The following CDCA5 variants were observed in gnomAD, a reference collection of about 807,000 sequenced individuals.
CDCA5 encodes the protein cell division cycle associated 5, also known as sororin.
Under a neutral mutation model 25.7 loss-of-function variants are expected in CDCA5, and 14 were observed. That is an observed-to-expected ratio of 0.54 (90% CI 0.36 to 0.85). CDCA5 has a LOEUF of 0.85. Among genes scored for constraint, CDCA5 ranks in the 40% least tolerant of loss-of-function variants. CDCA5 has a pLI of 0.01. For missense variants in CDCA5, 307 were observed against 324.5 expected (o/e 0.95, Z 0.41); for synonymous variants, 127 against 128.7 (o/e 0.99, Z 0.09).
Position 65,084,034 on chromosome 11 carries a change from C to A in CDCA5, c.-56G>T. 3.8e-6 allele frequency: 6 copies of A among 1,569,352 alleles called. No individual in the cohort carries two copies. The highest frequency in any genetic ancestry group is 5.2e-6 in the Non-Finnish European group (6 of 1,156,054). On this transcript the variant is annotated 5_prime_UTR_variant, in exon 1 of 6. Coordinates refer to ENST00000275517, the MANE Select transcript of CDCA5 (RefSeq NM_080668.4). The stretch of plus-strand genomic sequence containing the variant: ...GCCGCCGCCCCGGGCGCGCGCCAAC[C>A]GGGAAGGCCACTCGCTGCAAAAAAC...
At chr11:65,079,850 G>A in intron 4 of CDCA5, 63 bp from the exon 5 acceptor site, 1 of 1,286,328 alleles carries the variant, frequency 7.8e-7, no homozygotes, top group East Asian at 2.8e-5. Context: ...TTCCAGAAAA[G>A]CCCGAGAAGA....
chr11:65,068,261 C>T (rs1947278569), intron 2 of CDCA5: 10 of 498,270 alleles, frequency 2.0e-5, no homozygotes, highest in South Asian at 1.8e-4. Context: ...GTAGGGAAAG[C>T]CTGGTAGGAG....
In CDCA5 at chr11:65,083,917, C is replaced by A. The variant is rs1316828726; in HGVS notation, c.46+16G>T. 6.2e-7 allele frequency: 1 copy of A among 1,609,434 alleles called. No homozygotes were observed. Among genetic ancestry groups the A allele is most frequent in the Non-Finnish European group, 8.5e-7 (1 of 1,179,838 alleles). The stretch of plus-strand genomic sequence containing the variant: ...AAACGGCTCGACCTCACGTCTCCCG[C>A]GCGCCCTCCGCTCACCGGAGCGCTG... On this transcript the variant is annotated intron_variant, in intron 1 of 5. Coordinates refer to ENST00000275517, the MANE Select transcript of CDCA5 (RefSeq NM_080668.4).
downstream of CDCA5, among the ~76,000 whole-genome samples, chr11:65,072,938 CTTTT>C (rs751923442): frequency 1.0e-5 from 1 of 99,956 alleles, no homozygotes; most frequent in East Asian, 2.8e-4. Context: ...TTATTTCATT[CTTTT>C]TTTTTTTTTT....
intron 1 of CDCA5, chr11:65,068,638 A>G: frequency 8.3e-7 from 1 of 1,206,416 alleles, no homozygotes; most frequent in Non-Finnish European, 1.1e-6. Context: ...ACTCACATCT[A>G]CCATCCCCGC....
At chr11:65,068,001 T>C in intron 3 of CDCA5, 1 of 1,275,344 alleles carries the variant, frequency 7.8e-7, no homozygotes, top group Admixed American at 2.3e-5. Context: ...ACTCTCTCTC[T>C]CTCTCTCTCT....
chr11:65,061,587 A>G (rs555894029), downstream of CDCA5, among the ~76,000 whole-genome samples: 2 of 152,160 alleles, frequency 1.3e-5, no homozygotes, highest in East Asian at 3.9e-4. Flanking sequence ...ATCCTGGCTA[A>G]CATGGTGAAA....
chr11:65,063,195 G>A (rs7936473), downstream of CDCA5, among the ~76,000 whole-genome samples: 3,019 of 152,332 alleles, frequency 0.02, 110 homozygotes, highest in African/African-American at 0.068. Flanking sequence ...CGTAACAGGC[G>A]CAGGTGCCCT....
intron 1 of CDCA5, among the ~76,000 whole-genome samples, chr11:65,072,309 G>T (rs1228365621): frequency 6.6e-6 from 1 of 152,262 alleles, no homozygotes; most frequent in African/African-American, 2.4e-5. Flanking sequence ...AGGCCCATGT[G>T]TTGGGAGAAC....
chr11:65,068,426 TTTCTCCAGCTCTCCTGCCTCC>T, intron 2 of CDCA5: 2 of 1,040,130 alleles, frequency 1.9e-6, no homozygotes, highest in Non-Finnish European at 2.6e-6. Context: ...ACAGGAAGAA[TTTCTCCAGCTCTCCTGCCTCC>T]CCTGCCCACT....
At chr11:65,081,065 C>T (rs1947554867) in intron 4 of CDCA5, among the ~76,000 whole-genome samples, 1 of 152,136 alleles carries the variant, frequency 6.6e-6, no homozygotes, top group South Asian at 2.1e-4. Context: ...TAGTCAGGGT[C>T]AAACAACAAG....
At chr11:65,081,153 G>C (rs1316422916) in intron 4 of CDCA5, among the ~76,000 whole-genome samples, 1 of 152,142 alleles carries the variant, frequency 6.6e-6, no homozygotes, top group Non-Finnish European at 1.5e-5. Context: ...GGCCAGATAT[G>C]GTGGTTCACA....
At chr11:65,061,493 G>A (rs948218705), downstream of CDCA5, among the ~76,000 whole-genome samples, 1 of 152,166 alleles carries the variant, frequency 6.6e-6, no homozygotes, top group African/African-American at 2.4e-5. Context: ...GAGCAAAATA[G>A]GCCAGGCGCG....
chr11:65,083,737 AAAGTT>A lies in CDCA5; in HGVS notation c.47-19_47-15del, dbSNP rs759323462. On this transcript the variant is annotated splice_polypyrimidine_tract_variant and intron_variant, in intron 1 of 5. Transcript: ENST00000275517. The stretch of plus-strand genomic sequence containing the variant: ...GGGCCCTTGGCCCTGGAAAGAGAAA[AAAGTT>A]AAGTGGTAGAGGAGGACTCTAGACC... 1.2e-6 allele frequency: 2 copies of A among 1,607,190 alleles called. No individual in the cohort carries two copies. Among genetic ancestry groups the A allele is most frequent in the African/African-American group, 2.7e-5 (2 of 74,362 alleles).
At chr11:65,075,959 T>A (rs1325264558), downstream of CDCA5, among the ~76,000 whole-genome samples, 1 of 152,146 alleles carries the variant, frequency 6.6e-6, no homozygotes, top group African/African-American at 2.4e-5. Context: ...CCGAGCTTAG[T>A]ATGTTGGATA....
At position 65,079,395 on chromosome 11, in the gene CDCA5, G is replaced by A. The variant is rs777095627; in HGVS notation, c.636C>T (p.Pro212=). ...DMTLPGISPP[P]EKQKRKKKKM... is the part of the protein sequence containing the mutation. ...TCTTCTTCTTACGTTTCTGTTTCTCGGGTGGTGGGGAGATTCCAGGGAGAG... is the reference window on the plus strand; with the variant it reads ...TCTTCTTCTTACGTTTCTGTTTCTCAGGTGGTGGGGAGATTCCAGGGAGAG... The change falls in exon 5 of 6, where the codon CCC becomes CCT. Residue 212 remains proline (P), a synonymous_variant. Transcript: ENST00000275517. 1.2e-5 allele frequency: 19 copies of A among 1,614,038 alleles called. No individual in the cohort carries two copies. The highest frequency in any genetic ancestry group is 1.5e-5 in the Non-Finnish European group (18 of 1,180,010).
chr11:65,081,312 C>T (rs906976504), intron 4 of CDCA5, among the ~76,000 whole-genome samples: 2 of 136,146 alleles, frequency 1.5e-5, no homozygotes, highest in Admixed American at 1.5e-4. Flanking sequence ...CCTGTAAGCC[C>T]AGCTACTTGG....
intron 4 of CDCA5, among the ~76,000 whole-genome samples, chr11:65,081,799 C>T (rs573092966): frequency 2.6e-5 from 4 of 151,984 alleles, no homozygotes; most frequent in Non-Finnish European, 5.9e-5. Flanking sequence ...ACCCTCATCT[C>T]TATAAAAAAA....
At position 65,079,103 on chromosome 11, in the gene CDCA5, C is replaced by T. The variant is rs1947502802; in HGVS notation, c.*4G>A. 1 of 1,516,398 alleles carries T rather than the reference C, an allele frequency of 6.6e-7. No individual in the cohort carries two copies. Among genetic ancestry groups the T allele is most frequent in the Non-Finnish European group, 8.8e-7 (1 of 1,135,200 alleles). 93.9% of individuals were successfully genotyped at this position (1,516,398 alleles called of 1,614,324 possible). ...GTCTGGCCAGGTGCACCCCCCACTG[C>T]ATCTCATTCAACCAGGAGATCAAAC... On this transcript the variant is annotated 3_prime_UTR_variant, in exon 6 of 6. Coordinates refer to ENST00000275517, the MANE Select transcript of CDCA5 (RefSeq NM_080668.4).
Sources: allele counts gnomAD v4.1 joint callset (sites outside exome capture counted in the v4.1 genomes callset), GRCh38; gene constraint gnomAD v4.1.1; transcripts MANE v1.5; gene names NCBI Gene and HGNC (gene_info 2026-07-23, HGNC 2026-07-21).